POU2AF3: variants seen among roughly 807,000 people sequenced by gnomAD.
POU2AF3 encodes the protein cancer susceptibility candidate 13.
the POU2AF3 span, among the ~76,000 whole-genome samples, chr11:111,305,379 A>G: frequency 1.3e-5 from 2 of 152,332 alleles, no homozygotes; most frequent in East Asian, 1.9e-4. Context: ...TTTAGTTTCC[A>G]GCCGACAGGG....
At chr11:111,301,270 C>A in the POU2AF3 span, among the ~76,000 whole-genome samples, 1 of 152,194 alleles carries the variant, frequency 6.6e-6, no homozygotes, top group Non-Finnish European at 1.5e-5. Flanking sequence ...ATACACCTTC[C>A]TACGGTAAGT....
chr11:111,298,942 G>A, the POU2AF3 span: 1 of 1,040,102 alleles, frequency 9.6e-7, no homozygotes, highest in Non-Finnish European at 1.2e-6. Context: ...CCTGGGACGG[G>A]GGCAGAGCGC....
chr11:111,299,034 C>A, the POU2AF3 span: 2 of 991,036 alleles, frequency 2.0e-6, no homozygotes, highest in East Asian at 1.1e-4. Context: ...CGGAGCCGAT[C>A]GGGGAACGGG....
At chr11:111,300,924 A>G in the POU2AF3 span, among the ~76,000 whole-genome samples, 1 of 152,316 alleles carries the variant, frequency 6.6e-6, no homozygotes, top group East Asian at 1.9e-4. Context: ...GTAAGTATAC[A>G]TCGTTTTGTT....
the POU2AF3 span, chr11:111,304,950 A>G: frequency 8.1e-7 from 1 of 1,233,052 alleles, no homozygotes; most frequent in East Asian, 3.2e-5. Flanking sequence ...AGCAGTGTCC[A>G]CCTTTCAGAC....
At chr11:111,299,231 C>A in the POU2AF3 span, 9 of 983,686 alleles carry the variant, frequency 9.1e-6, no homozygotes, top group Non-Finnish European at 9.7e-6. Context: ...AGTGACCAGG[C>A]GAGGCGCTGG....
the POU2AF3 span, chr11:111,298,624 G>A: frequency 2.8e-5 from 35 of 1,246,010 alleles, no homozygotes; most frequent in African/African-American, 1.6e-4. Flanking sequence ...CGGGTCAGGC[G>A]GGCCAGGGGC....
chr11:111,307,776 G>A, the POU2AF3 span, among the ~76,000 whole-genome samples: 1 of 152,192 alleles, frequency 6.6e-6, no homozygotes, highest in Non-Finnish European at 1.5e-5. Context: ...AGCACAATGG[G>A]ATTTTGTGGT....
the POU2AF3 span, chr11:111,300,506 G>T: frequency 8.3e-7 from 1 of 1,201,664 alleles, no homozygotes; most frequent in South Asian, 4.3e-5. Context: ...CTCGACCACT[G>T]ACTCAGTTGC....
chr11:111,308,672 T>C, the POU2AF3 span: 1 of 354,676 alleles, frequency 2.8e-6, no homozygotes, highest in Non-Finnish European at 5.0e-6. Flanking sequence ...TCAATTGTTT[T>C]ACTTTTTGTA....
chr11:111,304,152 A>G, the POU2AF3 span, among the ~76,000 whole-genome samples: 1 of 152,186 alleles, frequency 6.6e-6, no homozygotes, highest in African/African-American at 2.4e-5. Context: ...TTCTATTTTA[A>G]TATTTCATGT....
chr11:111,298,842 C>A, the POU2AF3 span: 1 of 1,184,726 alleles, frequency 8.4e-7, no homozygotes, highest in Non-Finnish European at 1.0e-6. Context: ...GCCCGCCCTC[C>A]CACGTATCCA....
At chr11:111,301,132 G>T in the POU2AF3 span, among the ~76,000 whole-genome samples, 1 of 152,076 alleles carries the variant, frequency 6.6e-6, no homozygotes, top group African/African-American at 2.4e-5. Flanking sequence ...AGCAGAAAAG[G>T]GCCCTGTCTC....
At chr11:111,298,826 G>GCGGGGGGCCCCC in the POU2AF3 span, 5 of 790,962 alleles carry the variant, frequency 6.3e-6, no homozygotes, top group African/African-American at 1.8e-5. Context: ...CGTACCCCAG[G>GCGGGGGGCCCCC]CCCCCGCCCG....
At chr11:111,306,698 TC>T in the POU2AF3 span, 1 of 1,101,448 alleles carries the variant, frequency 9.1e-7, no homozygotes, top group Non-Finnish European at 1.3e-6. Flanking sequence ...GTTTGCACCA[TC>T]CCGTGGGAAA....
At chr11:111,299,603 G>A in the POU2AF3 span, 4 of 1,223,302 alleles carry the variant, frequency 3.3e-6, no homozygotes, top group East Asian at 1.3e-4. Context: ...CCGAAGGGCG[G>A]CCTCCCGGCG....
chr11:111,304,736 TG>T, the POU2AF3 span: 77 of 389,838 alleles, frequency 2.0e-4, no homozygotes, highest in Non-Finnish European at 3.3e-4. Flanking sequence ...CCCTTTCACT[TG>T]TTTTTTACAA....
At chr11:111,299,190 G>A in the POU2AF3 span, 1 of 968,576 alleles carries the variant, frequency 1.0e-6, no homozygotes, top group Non-Finnish European at 1.2e-6. Context: ...CGGCTTGAGG[G>A]GGATCCCTGC....
the POU2AF3 span, chr11:111,299,086 C>A: frequency 1.0e-6 from 1 of 978,498 alleles, no homozygotes; most frequent in Non-Finnish European, 1.2e-6. Context: ...GAGGGCGCGG[C>A]GCCTGGGCCC....
Sources: gnomAD v4.1 joint callset for allele counts (sites outside exome capture counted in the v4.1 genomes callset) on GRCh38, gnomAD v4.1.1 for gene constraint, MANE v1.5 for transcripts, NCBI Gene and HGNC (gene_info 2026-07-23, HGNC 2026-07-21) for gene names.